The following SLC5A4 variants were observed in gnomAD, a reference collection of about 807,000 sequenced individuals.
SLC5A4 encodes the protein solute carrier family 5 member 4, also known as probable glucose sensor protein SLC5A4.
In SLC5A4, 55 loss-of-function variants were observed where a neutral mutation model predicts 70.3. That is an observed-to-expected ratio of 0.78 (90% confidence interval 0.63 to 0.98). The LOEUF (loss-of-function observed/expected upper bound fraction) is 0.98, where lower values mean the gene tolerates loss of function less well. Ranked by LOEUF, SLC5A4 falls within the 50% of genes least tolerant of loss-of-function variation. SLC5A4 has a pLI of 0.00. For synonymous variants in SLC5A4, 268 were observed against 305.7 expected (o/e 0.88, Z 1.29); for missense variants, 735 against 839.2 (o/e 0.88, Z 1.53).
At chr22:32,335,028 C>T in the SLC5A4 span, among the ~76,000 whole-genome samples, 17 of 152,268 alleles carry the variant, frequency 1.1e-4, no homozygotes, top group East Asian at 3.3e-3. Flanking sequence ...GGGGCCAGCT[C>T]GCATGGAGGC....
chr22:32,251,163 A>AC (rs1470737817), intron 3 of SLC5A4, among the ~76,000 whole-genome samples: 15 of 150,186 alleles, frequency 1.0e-4, no homozygotes, highest in Non-Finnish European at 2.2e-4. Flanking sequence ...AAAAAAAAAA[A>AC]AAAAAAAAAA....
chr22:32,353,084 G>A, the SLC5A4 span, among the ~76,000 whole-genome samples: 1 of 152,230 alleles, frequency 6.6e-6, no homozygotes, highest in Non-Finnish European at 1.5e-5. Context: ...GATGGCAGAG[G>A]CCGGTTTCAG....
the SLC5A4 span, among the ~76,000 whole-genome samples, chr22:32,261,312 T>C: frequency 3.9e-5 from 6 of 152,206 alleles, no homozygotes; most frequent in Admixed American, 2.6e-4. Flanking sequence ...TCCTTACCCT[T>C]TGAAAGTCTA....
chr22:32,233,760 G>C (rs1303291177), intron 8 of SLC5A4, among the ~76,000 whole-genome samples: 1 of 151,958 alleles, frequency 6.6e-6, no homozygotes, highest in African/African-American at 2.4e-5. Flanking sequence ...CCAGGAGTTT[G>C]AGACCAGCTT....
upstream of SLC5A4, among the ~76,000 whole-genome samples, chr22:32,259,311 C>T (rs1021585743): frequency 6.6e-6 from 1 of 152,338 alleles, no homozygotes; most frequent in East Asian, 1.9e-4. Flanking sequence ...TTTAGTCTTT[C>T]AGCATTATTA....
the SLC5A4 span, among the ~76,000 whole-genome samples, chr22:32,285,807 G>A: frequency 2.0e-5 from 3 of 151,748 alleles, no homozygotes; most frequent in East Asian, 5.8e-4. Context: ...CGCGATCTCG[G>A]CTCACTGCAA....
chr22:32,322,019 T>TG, the SLC5A4 span, among the ~76,000 whole-genome samples: 1 of 151,622 alleles, frequency 6.6e-6, no homozygotes, highest in Non-Finnish European at 1.5e-5. Context: ...GATGAAAGAG[T>TG]GGGGTGGACG....
At chr22:32,347,696 G>A in the SLC5A4 span, among the ~76,000 whole-genome samples, 7 of 119,368 alleles carry the variant, frequency 5.9e-5, no homozygotes, top group Admixed American at 2.9e-4. Flanking sequence ...CACACACTGG[G>A]GACTGTTGTG....
chr22:32,270,301 G>A, the SLC5A4 span: 1 of 846,558 alleles, frequency 1.2e-6, no homozygotes, highest in African/African-American at 1.7e-5. Flanking sequence ...GCCGGACCTG[G>A]AGATTGTGGT....
upstream of SLC5A4, among the ~76,000 whole-genome samples, chr22:32,259,927 G>A (rs900590639): frequency 1.3e-5 from 2 of 152,224 alleles, no homozygotes; most frequent in African/African-American, 4.8e-5. Context: ...GTGGAGCGGT[G>A]GGATGATTGT....
intron 5 of SLC5A4, among the ~76,000 whole-genome samples, chr22:32,240,095 T>G (rs1178826956): frequency 2.6e-5 from 4 of 151,868 alleles, no homozygotes; most frequent in African/African-American, 7.3e-5. Flanking sequence ...TTCATTTATA[T>G]TCCAAATAGA....
chr22:32,321,388 G>A, the SLC5A4 span, among the ~76,000 whole-genome samples: 3 of 152,332 alleles, frequency 2.0e-5, no homozygotes, highest in Admixed American at 2.0e-4. Context: ...GGGGGTGGAG[G>A]TTGCAGTGAG....
the SLC5A4 span, chr22:32,272,824 G>A: frequency 5.8e-6 from 3 of 513,852 alleles, no homozygotes; most frequent in East Asian, 1.1e-4. Flanking sequence ...CCAGGATGGT[G>A]GCATCGGGCT....
upstream of SLC5A4, among the ~76,000 whole-genome samples, chr22:32,259,968 G>A (rs936942912): frequency 6.6e-6 from 1 of 152,232 alleles, no homozygotes; most frequent in African/African-American, 2.4e-5. Flanking sequence ...AACACAGGGC[G>A]ATGCCTGCCC....
the SLC5A4 span, among the ~76,000 whole-genome samples, chr22:32,291,882 T>C: frequency 2.1e-5 from 3 of 144,050 alleles, no homozygotes; most frequent in East Asian, 2.0e-4. Flanking sequence ...TTCTATCTTT[T>C]TTTTTTTGGA....
chr22:32,299,975 G>A, the SLC5A4 span, among the ~76,000 whole-genome samples: 17 of 132,652 alleles, frequency 1.3e-4, 1 homozygote, highest in East Asian at 1.1e-3. Context: ...TCGGGGGTCA[G>A]GGGTCAGGGA....
chr22:32,293,939 G>T, the SLC5A4 span, among the ~76,000 whole-genome samples: 1 of 151,938 alleles, frequency 6.6e-6, no homozygotes, highest in Non-Finnish European at 1.5e-5. Context: ...ATATTATATT[G>T]TCTTCTAGTT....
the SLC5A4 span, among the ~76,000 whole-genome samples, chr22:32,349,697 C>T: frequency 1.3e-5 from 2 of 152,328 alleles, no homozygotes; most frequent in African/African-American, 4.8e-5. Flanking sequence ...AGCTTTCATT[C>T]TCTTTAAAGC....
chr22:32,328,779 C>T, the SLC5A4 span, among the ~76,000 whole-genome samples: 1 of 152,220 alleles, frequency 6.6e-6, no homozygotes. Flanking sequence ...TACACAGCAC[C>T]AGCTAGCTAA....
Sources: gnomAD v4.1 joint callset for allele counts (sites outside exome capture counted in the v4.1 genomes callset) on GRCh38, gnomAD v4.1.1 for gene constraint, MANE v1.5 for transcripts, NCBI Gene and HGNC (gene_info 2026-07-23, HGNC 2026-07-21) for gene names.